The following SERPING1 variants were observed in gnomAD, a reference collection of about 807,000 sequenced individuals.
SERPING1 encodes serpin family G member 1.
Under a neutral mutation model 34.1 loss-of-function variants are expected in SERPING1, and 5 were observed. The observed-to-expected ratio is 0.15, with a 90% CI of 0.08 to 0.31. SERPING1 has a LOEUF of 0.31. Among genes scored for constraint, SERPING1 ranks in the 10% least tolerant of loss-of-function variants. The pLI, the probability that SERPING1 is intolerant of heterozygous loss-of-function variation, is 1.00. For synonymous variants in SERPING1, 225 were observed against 242.4 expected (o/e 0.93, Z 0.67); for missense variants, 505 against 609.5 (o/e 0.83, Z 1.81).
chr11:57,613,341 A>C (rs1031961680), intron 7 of SERPING1, among the ~76,000 whole-genome samples: 3 of 152,124 alleles, frequency 2.0e-5, no homozygotes, highest in Admixed American at 2.0e-4. Context: ...CGCCCCAGCA[A>C]ATTTCCCCCC....
chr11:57,610,188 C>T (rs1945462871), intron 6 of SERPING1, among the ~76,000 whole-genome samples: 1 of 152,164 alleles, frequency 6.6e-6, no homozygotes, highest in Non-Finnish European at 1.5e-5. Context: ...ATACAGGTTA[C>T]CCTGAACTTA....
chr11:57,598,120 G>A, intron 1 of SERPING1, 129 bp from the exon 2 acceptor site: 1 of 656,204 alleles, frequency 1.5e-6, no homozygotes, highest in Non-Finnish European at 2.6e-6. Flanking sequence ...GGTGGCCCCA[G>A]GAGGGAGGAG....
intron 4 of SERPING1, chr11:57,605,670 G>T: frequency 3.5e-6 from 1 of 286,940 alleles, no homozygotes. Context: ...AGGCCAGGAA[G>T]CAGAGTCTAT....
intron 4 of SERPING1, among the ~76,000 whole-genome samples, chr11:57,604,818 A>G (rs1945390596): frequency 6.6e-6 from 1 of 151,902 alleles, no homozygotes; most frequent in Admixed American, 6.6e-5. Flanking sequence ...GCCTCTGGGC[A>G]ACATAGACAG....
chr11:57,606,858 C>T (rs1412331099), intron 6 of SERPING1: 27 of 608,036 alleles, frequency 4.4e-5, no homozygotes, highest in Non-Finnish European at 8.3e-5. Flanking sequence ...CATCAGAAGA[C>T]TCTGGTGGCT....
Position 57,602,049 on chromosome 11 carries a change from A to G in SERPING1, c.565A>G (p.Thr189Ala), listed in dbSNP as rs1945353261. 6.2e-7 allele frequency: 1 copy of G among 1,614,034 alleles called. No homozygotes were observed. The highest frequency in any genetic ancestry group is 8.5e-7 in the Non-Finnish European group (1 of 1,180,006). The change falls in exon 4 of 8, where the codon ACC becomes GCC. Residue 189 changes from threonine to alanine, a missense_variant. Physicochemically the swap from Thr to Ala is moderately conservative, Grantham distance 58. Transcript: ENST00000278407. ...CTTTGTTGCAGGGGCTGGGGAGAAC[A>G]CCAAAACAAACCTGGAGAGCATCCT... ...TQVLLGAGEN[T>A]KTNLESILSY... is the part of the protein sequence containing the mutation.
Position 57,611,684 on chromosome 11 carries a change from G to GATGTT in SERPING1, c.1030-32_1030-31insTGTTA, listed in dbSNP as rs778084265. On this transcript the variant is annotated intron_variant, in intron 6 of 7. Coordinates refer to ENST00000278407, the MANE Select transcript of SERPING1 (RefSeq NM_000062.3). ...TGGGGCCAGGAGAGAGATGCGGTAGGAAGACTGTTAAGATGCATCTCTTAT... is the reference window on the plus strand; with the variant it reads ...TGGGGCCAGGAGAGAGATGCGGTAGGATGTTAAGACTGTTAAGATGCATCTCTTAT... 5.1e-6 allele frequency: 8 copies of GATGTT among 1,583,394 alleles called. No individual in the cohort carries two copies. The African/African-American group carries it at 1.1e-4, about 21-fold the overall frequency.
rs1255425744 is a variant in SERPING1, at chr11:57,602,069, CA to C, written c.586del (p.Ile196SerfsTer15). ...GENTKTNLES[I>X]LSYPKDFTCV... is the part of the protein sequence containing the mutation. ...AGAACACCAAAACAAACCTGGAGAGCATCCTCTCTTACCCCAAGGACTTCAC... is the reference window on the plus strand; with the variant it reads ...AGAACACCAAAACAAACCTGGAGAGCTCCTCTCTTACCCCAAGGACTTCAC... On this transcript the variant is annotated frameshift_variant, in exon 4 of 8. Transcript: ENST00000278407. LOFTEE classifies it high-confidence loss of function. 6.2e-7 allele frequency: 1 copy of C among 1,614,138 alleles called. No individual in the cohort carries two copies. The highest frequency in any genetic ancestry group is 1.3e-5 in the African/African-American group (1 of 75,050).
rs1945516141 is a variant in SERPING1, at chr11:57,614,486, G to A, written c.1408G>A (p.Val470Ile). 1 of 1,614,110 alleles carries A rather than the reference G, an allele frequency of 6.2e-7. No individual in the cohort carries two copies. Among genetic ancestry groups the A allele is most frequent in the South Asian group, 1.1e-5 (1 of 91,082 alleles). The change falls in exon 8 of 8, where the codon GTC (valine) becomes ATC (isoleucine). Residue 470 changes from valine to isoleucine, a missense_variant. By Grantham distance (29) the Val-to-Ile change is conservative. Coordinates refer to ENST00000278407, the MANE Select transcript of SERPING1 (RefSeq NM_000062.3). Reference sequence around the variant, plus strand: ...CATCTCTGTGGCCCGCACCCTGCTGGTCTTTGAAGTGCAGCAGCCCTTCCT... The same window carrying A: ...CATCTCTGTGGCCCGCACCCTGCTGATCTTTGAAGTGCAGCAGCCCTTCCT... ...SAISVARTLL[V>I]FEVQQPFLFV... is the part of the protein sequence containing the mutation.
chr11:57,600,430 A>G, intron 3 of SERPING1, 53 bp downstream of exon 3: 3 of 1,597,604 alleles, frequency 1.9e-6, no homozygotes, highest in Non-Finnish European at 1.7e-6. Context: ...CTCCCATAAG[A>G]GTCACCAATC....
chr11:57,599,738 T>A, intron 2 of SERPING1, 141 bp from the exon 3 acceptor site: 1 of 1,137,324 alleles, frequency 8.8e-7, no homozygotes, highest in South Asian at 1.3e-5. Context: ...TAAGACAGAT[T>A]GCTCATCTGC....
intron 3 of SERPING1, 113 bp from the exon 4 acceptor site, chr11:57,601,921 AT>A: frequency 1.0e-6 from 1 of 985,292 alleles, no homozygotes. Context: ...ATGATCTGTG[AT>A]CCCCTCCAAA....
chr11:57,599,966 A>G lies in SERPING1; in HGVS notation c.139A>G (p.Thr47Ala). 1 of 1,614,224 alleles carries G rather than the reference A, an allele frequency of 6.2e-7. No individual in the cohort carries two copies. Among genetic ancestry groups the G allele is most frequent in the South Asian group, 1.1e-5 (1 of 91,084 alleles). ...AGACAGAGGCGAAGGGAAGGTCGCA[A>G]CAACAGTTATCTCCAAGATGCTATT... ...LQDRGEGKVA[T>A]TVISKMLFVE... Residue 47 changes from threonine to alanine, a missense_variant, in exon 3 of 8, where the codon ACA becomes GCA. Coordinates refer to ENST00000278407, the MANE Select transcript of SERPING1 (RefSeq NM_000062.3).
Position 57,605,992 on chromosome 11 carries a change from T to C in SERPING1, c.686-18T>C, listed in dbSNP as rs1364566775. ...ACGTGTTCAGGACTCATGCCTCCCT[T>C]TCTCAACATACCCCCAGACCTGGCC... is the stretch of plus-strand genomic sequence containing the variant. On this transcript the variant is annotated intron_variant, in intron 4 of 7. Transcript: ENST00000278407. 6.2e-7 allele frequency: 1 copy of C among 1,612,408 alleles called. No individual in the cohort carries two copies. Among genetic ancestry groups the C allele is most frequent in the Admixed American group, 1.7e-5 (1 of 59,990 alleles).
chr11:57,600,143 A>G lies in SERPING1; in HGVS notation c.316A>G (p.Thr106Ala). The G allele has an allele frequency of 6.2e-7, 1 of 1,612,774 alleles. No homozygotes were observed. The highest frequency in any genetic ancestry group is 1.1e-5 in the South Asian group (1 of 90,984). ...TQPTIQPTQP[T>A]TQLPTDSPTQ... ...ACCCACCATCCAACCCACCCAACCAACTACCCAGCTCCCAACAGATTCTCC... is the reference window on the plus strand; with the variant it reads ...ACCCACCATCCAACCCACCCAACCAGCTACCCAGCTCCCAACAGATTCTCC... Residue 106 changes from threonine (T) to alanine (A), a missense_variant, in exon 3 of 8, where the codon ACT becomes GCT. Transcript: ENST00000278407.
In SERPING1 at chr11:57,600,267, T is replaced by C; in HGVS notation, c.440T>C (p.Val147Ala). ...STEAVLGDAL[V>A]DFSLKLYHAF... is the part of the protein sequence containing the mutation. The stretch of plus-strand genomic sequence containing the variant: ...GAGGCCGTGTTGGGGGATGCTTTGG[T>C]AGATTTCTCCCTGAAGCTCTACCAC... The change falls in exon 3 of 8, where the codon GTA (valine) becomes GCA (alanine). Residue 147 changes from valine to alanine, a missense_variant. Val to Ala is a moderately conservative substitution (Grantham distance 64). Transcript: ENST00000278407. The C allele has an allele frequency of 6.2e-7, 1 of 1,614,132 alleles. No individual in the cohort carries two copies. Among genetic ancestry groups the C allele is most frequent in the Non-Finnish European group, 8.5e-7 (1 of 1,180,028 alleles).
chr11:57,598,205 G>A (rs1055933809), intron 1 of SERPING1, 44 bp from the exon 2 acceptor site: 12 of 1,496,888 alleles, frequency 8.0e-6, no homozygotes, highest in Middle Eastern at 2.3e-4. Context: ...GGGCCCCTGG[G>A]CTCCCAGGGT....
chr11:57,606,839 C>A (rs914599268), intron 6 of SERPING1: 2 of 624,830 alleles, frequency 3.2e-6, no homozygotes, highest in African/African-American at 3.6e-5. Flanking sequence ...TTTCTTTTTC[C>A]AGTCAACTCA....
chr11:57,614,158 T>G (rs1183411063), intron 7 of SERPING1, among the ~76,000 whole-genome samples, 170 bp from the exon 8 acceptor site: 1 of 151,844 alleles, frequency 6.6e-6, no homozygotes, highest in Non-Finnish European at 1.5e-5. Flanking sequence ...GGCCCACTAA[T>G]AGAGGATCCC....
Sources: allele counts gnomAD v4.1 joint callset (sites outside exome capture counted in the v4.1 genomes callset), GRCh38; gene constraint gnomAD v4.1.1; transcripts MANE v1.5; gene names NCBI Gene and HGNC (gene_info 2026-07-23, HGNC 2026-07-21).